Variants in SLC38A12 observed in about 807,000 individuals in gnomAD.
The protein encoded by SLC38A12 is putative sodium-coupled neutral amino acid transporter 12.
chr17:74,812,734 C>T, the SLC38A12 span, among the ~76,000 whole-genome samples: 5 of 152,324 alleles, frequency 3.3e-5, no homozygotes, highest in East Asian at 1.9e-4. Flanking sequence ...GGTCTCTGTG[C>T]GTTTAAGGTA....
chr17:74,819,631 G>A, the SLC38A12 span: 3 of 934,988 alleles, frequency 3.2e-6, no homozygotes, highest in Non-Finnish European at 5.1e-6. Context: ...GTCCAGGTGT[G>A]CCCAAGTCAG....
chr17:74,820,220 T>C, the SLC38A12 span, among the ~76,000 whole-genome samples: 1 of 152,198 alleles, frequency 6.6e-6, no homozygotes, highest in Non-Finnish European at 1.5e-5. Context: ...GGCTGTGCCC[T>C]GCAGGGCACG....
the SLC38A12 span, among the ~76,000 whole-genome samples, chr17:74,828,718 A>G: frequency 6.6e-6 from 1 of 152,186 alleles, no homozygotes; most frequent in South Asian, 2.1e-4. Flanking sequence ...GGGGGTACTC[A>G]GAGCCCATTT....
At chr17:74,800,731 G>A in the SLC38A12 span, among the ~76,000 whole-genome samples, 1 of 152,190 alleles carries the variant, frequency 6.6e-6, no homozygotes, top group African/African-American at 2.4e-5. Context: ...GTGCCCCCAG[G>A]GCACAACTCC....
the SLC38A12 span, chr17:74,839,037 G>A: frequency 6.5e-7 from 1 of 1,535,596 alleles, no homozygotes; most frequent in Non-Finnish European, 8.7e-7. Context: ...CCCGGTGCAG[G>A]CCAGGTCAAG....
At chr17:74,832,656 A>G in the SLC38A12 span, among the ~76,000 whole-genome samples, 4 of 152,250 alleles carry the variant, frequency 2.6e-5, no homozygotes, top group African/African-American at 9.6e-5. Context: ...TGGCATCTCC[A>G]TGCAGCCGAG....
At chr17:74,787,023 C>A in the SLC38A12 span, among the ~76,000 whole-genome samples, 2 of 152,124 alleles carry the variant, frequency 1.3e-5, no homozygotes, top group African/African-American at 4.8e-5. Context: ...TCTCTTTATG[C>A]CTTAATTAAG....
the SLC38A12 span, chr17:74,791,051 G>C: frequency 6.2e-7 from 1 of 1,611,570 alleles, no homozygotes; most frequent in African/African-American, 1.3e-5. Flanking sequence ...AAGTTCTTTT[G>C]GGGGTGGGGT....
chr17:74,826,341 C>G, the SLC38A12 span, among the ~76,000 whole-genome samples: 3 of 152,224 alleles, frequency 2.0e-5, no homozygotes, highest in Non-Finnish European at 4.4e-5. Context: ...GGACTCTGCT[C>G]TCAGTCCTTT....
At chr17:74,777,217 CCT>C in the SLC38A12 span, 5 of 1,237,322 alleles carry the variant, frequency 4.0e-6, no homozygotes, top group Admixed American at 3.5e-5. Context: ...TCCTCCCACC[CCT>C]GTCTCAGTCC....
chr17:74,792,399 C>G, the SLC38A12 span, among the ~76,000 whole-genome samples: 2 of 151,782 alleles, frequency 1.3e-5, no homozygotes, highest in African/African-American at 4.8e-5. Context: ...TGCAGTGAGC[C>G]GAGATCACAC....
chr17:74,788,354 C>T, the SLC38A12 span, among the ~76,000 whole-genome samples: 1 of 152,330 alleles, frequency 6.6e-6, no homozygotes, highest in Non-Finnish European at 1.5e-5. Context: ...GGTGACCACT[C>T]GCCTGTGTCC....
chr17:74,790,627 C>T, the SLC38A12 span, among the ~76,000 whole-genome samples: 5 of 152,170 alleles, frequency 3.3e-5, no homozygotes, highest in South Asian at 2.1e-4. Context: ...AAGTAGATGT[C>T]GTTCTGTGGC....
At chr17:74,836,023 T>A in the SLC38A12 span, 4 of 1,608,610 alleles carry the variant, frequency 2.5e-6, no homozygotes, top group Non-Finnish European at 3.4e-6. This position sits in a 1 kb window ranked among gnomAD's most constrained non-coding sequence, Gnocchi z 4.2. Flanking sequence ...GTCCGGAACC[T>A]GTTTGGGGTG....
the SLC38A12 span, chr17:74,836,750 A>G: frequency 6.6e-7 from 1 of 1,517,312 alleles, no homozygotes; most frequent in Non-Finnish European, 8.8e-7. This position sits in a 1 kb window ranked among gnomAD's most constrained non-coding sequence, Gnocchi z 4.2. Context: ...CCTCGCCCGC[A>G]GAGCCCAGAT....
the SLC38A12 span, among the ~76,000 whole-genome samples, chr17:74,834,519 G>A: frequency 6.6e-6 from 1 of 152,190 alleles, no homozygotes; most frequent in Non-Finnish European, 1.5e-5. Flanking sequence ...ATTGTGGGAA[G>A]ACATTGCCTG....
the SLC38A12 span, chr17:74,795,678 C>T: frequency 6.8e-7 from 1 of 1,466,206 alleles, no homozygotes; most frequent in Admixed American, 1.7e-5. Flanking sequence ...CCAGCCTGCA[C>T]AGCTGAGGGC....
chr17:74,838,117 T>C, the SLC38A12 span: 1 of 985,770 alleles, frequency 1.0e-6, no homozygotes, highest in Non-Finnish European at 1.2e-6. Context: ...GCCCACGGGC[T>C]GCGCCACCTC....
the SLC38A12 span, among the ~76,000 whole-genome samples, chr17:74,833,702 C>A: frequency 1.3e-5 from 2 of 152,190 alleles, no homozygotes; most frequent in Non-Finnish European, 2.9e-5. Context: ...GGGCCCAGGG[C>A]CGAGTGACAG....
Sources: gnomAD v4.1 joint callset for allele counts (sites outside exome capture counted in the v4.1 genomes callset) on GRCh38, gnomAD v4.1.1 for gene constraint, Gnocchi (gnomAD v3.1) non-coding constraint, MANE v1.5 for transcripts, NCBI Gene and HGNC (gene_info 2026-07-23, HGNC 2026-07-21) for gene names.